The following GALNT13 variants were observed in gnomAD, a reference collection of about 807,000 sequenced individuals.
GALNT13 encodes the protein polypeptide N-acetylgalactosaminyltransferase 13, also known as UDP-GalNAc:polypeptide N-acetylgalactosaminyltransferase 13.
Under a neutral mutation model 64.2 loss-of-function variants are expected in GALNT13, and 28 were observed. The observed-to-expected ratio is 0.44, with a 90% CI of 0.32 to 0.60. The LOEUF is 0.60. GALNT13 is among the 20% of genes least tolerant of loss of function. The probability of loss-of-function intolerance (pLI) is 0.05; values close to 1 mark genes in which losing one functional copy is unlikely to be tolerated. For missense variants in GALNT13, 577 were observed against 669.8 expected, an observed-to-expected ratio of 0.86 and a Z score of 1.53; for synonymous variants, 214 against 224.6, an observed-to-expected ratio of 0.95 and a Z score of 0.42.
the GALNT13 span, among the ~76,000 whole-genome samples, chr2:153,434,577 C>T: frequency 6.6e-6 from 1 of 152,080 alleles, no homozygotes; most frequent in South Asian, 2.1e-4. Flanking sequence ...TCTCTGATGG[C>T]CAGTGATGAT....
chr2:153,905,041 C>T (rs1188308188), intron 2 of GALNT13, among the ~76,000 whole-genome samples: 1 of 151,876 alleles, frequency 6.6e-6, no homozygotes, highest in Non-Finnish European at 1.5e-5. Flanking sequence ...ACTATTTTAA[C>T]TATGGCTACT....
the GALNT13 span, among the ~76,000 whole-genome samples, chr2:153,720,613 T>C: frequency 1.3e-5 from 2 of 151,114 alleles, no homozygotes; most frequent in African/African-American, 4.9e-5. Flanking sequence ...GAGAAGTGCT[T>C]AAAGGAGCTG....
chr2:154,453,020 C>T lies in GALNT13; in HGVS notation c.*2469C>T, dbSNP rs1353143361. 6.6e-6 allele frequency: 1 copy of T among 152,156 alleles called. No homozygotes were observed. The highest frequency in any genetic ancestry group is 2.4e-5 in the African/African-American group (1 of 41,448). 9.4% of individuals were successfully genotyped at this position (152,156 alleles called of 1,614,324 possible). On this transcript the variant is annotated 3_prime_UTR_variant, in exon 13 of 13. Coordinates refer to ENST00000392825, the MANE Select transcript of GALNT13 (RefSeq NM_052917.4). ...GCTTTTGACTCCTCTATTTCTGTTT[C>T]AACTCTCGTCTAATCCAACAGCAAA...
intron 3 of GALNT13, among the ~76,000 whole-genome samples, chr2:154,011,783 G>A (rs1322596116): frequency 6.6e-6 from 1 of 151,988 alleles, no homozygotes; most frequent in African/African-American, 2.4e-5. Context: ...GGATAGTTAG[G>A]TCTTCTTGTT....
the GALNT13 span, among the ~76,000 whole-genome samples, chr2:153,682,864 A>G: frequency 2.6e-5 from 4 of 151,762 alleles, no homozygotes; most frequent in African/African-American, 4.8e-5. Flanking sequence ...TACTTGTTTT[A>G]TTTAGTTTAA....
chr2:154,230,049 A>G (rs1391216802), intron 4 of GALNT13, among the ~76,000 whole-genome samples: 2 of 152,120 alleles, frequency 1.3e-5, no homozygotes, highest in Non-Finnish European at 2.9e-5. Flanking sequence ...TGATGTCAGC[A>G]TCACCATTGT....
intron 3 of GALNT13, among the ~76,000 whole-genome samples, chr2:154,029,732 G>T (rs13427314): frequency 0.2 from 31,050 of 152,018 alleles, 4,087 homozygotes; most frequent in Middle Eastern, 0.33. Flanking sequence ...GCAAAGATAT[G>T]ACTTACATAA....
chr2:153,362,002 A>T, the GALNT13 span, among the ~76,000 whole-genome samples: 1 of 152,232 alleles, frequency 6.6e-6, no homozygotes, highest in African/African-American at 2.4e-5. Context: ...AGGGAAGCCC[A>T]TCAGACTAAC....
chr2:153,243,982 CTA>C, the GALNT13 span, among the ~76,000 whole-genome samples: 5 of 151,792 alleles, frequency 3.3e-5, no homozygotes, highest in Non-Finnish European at 5.9e-5. Flanking sequence ...TTATTAAAAA[CTA>C]GCATTATTAT....
the GALNT13 span, among the ~76,000 whole-genome samples, chr2:153,282,654 A>G: frequency 6.6e-6 from 1 of 152,098 alleles, no homozygotes; most frequent in Non-Finnish European, 1.5e-5. Context: ...GGGCTCAAGC[A>G]GTTTGCCTAC....
intron 9 of GALNT13, among the ~76,000 whole-genome samples, chr2:154,310,145 A>T (rs1368752835): frequency 1.3e-5 from 2 of 152,166 alleles, no homozygotes; most frequent in Admixed American, 1.3e-4. Flanking sequence ...ATTGGGTTTG[A>T]TGTAATTCCC....
intron 9 of GALNT13, among the ~76,000 whole-genome samples, chr2:154,344,829 G>A (rs1251337719): frequency 1.3e-5 from 2 of 151,978 alleles, no homozygotes; most frequent in African/African-American, 4.8e-5. Context: ...TTGAATTCTA[G>A]ATGGAGGGAG....
chr2:153,466,233 G>C, the GALNT13 span, among the ~76,000 whole-genome samples: 1 of 151,958 alleles, frequency 6.6e-6, no homozygotes, highest in Non-Finnish European at 1.5e-5. Flanking sequence ...TGAATCCTCT[G>C]TTTATAGCTG....
the GALNT13 span, among the ~76,000 whole-genome samples, chr2:153,502,849 C>T: frequency 1.3e-5 from 2 of 152,148 alleles, no homozygotes; most frequent in Admixed American, 6.6e-5. Context: ...TGATGTTGAG[C>T]ATTTTTTCAT....
In GALNT13 at chr2:153,974,122, A is replaced by G. The variant is rs558889408; in HGVS notation, c.142+29483A>G. Among the ~76,000 whole-genome samples the G allele has an allele frequency of 4.2e-4, 64 of 152,196 alleles. No homozygotes were observed. The South Asian group carries it at 4.8e-3, about 11-fold the overall frequency. On this transcript the variant is annotated intron_variant, in intron 3 of 12. Coordinates refer to ENST00000392825, the MANE Select transcript of GALNT13 (RefSeq NM_052917.4). ...AATCTTTTCTCCACACTGATGGCAG[A>G]TAAATCTTCCTGAAACACTATTTTG...
At chr2:153,555,103 G>A in the GALNT13 span, among the ~76,000 whole-genome samples, 5 of 151,850 alleles carry the variant, frequency 3.3e-5, no homozygotes, top group African/African-American at 1.2e-4. Flanking sequence ...ACTTGTATGA[G>A]TGGAGTAGAG....
the GALNT13 span, among the ~76,000 whole-genome samples, chr2:153,241,661 GTA>G: frequency 1.2e-4 from 18 of 150,690 alleles, no homozygotes; most frequent in South Asian, 8.5e-4. Flanking sequence ...GTGTGTATGT[GTA>G]TGTGTGTGTG....
At chr2:154,340,772 C>T (rs566757769) in intron 9 of GALNT13, among the ~76,000 whole-genome samples, 61 of 152,220 alleles carry the variant, frequency 4.0e-4, no homozygotes, top group Middle Eastern at 3.4e-3. Context: ...AGTATCCTCC[C>T]TTGGTAATGA....
the GALNT13 span, among the ~76,000 whole-genome samples, chr2:153,166,444 G>C: frequency 1.3e-5 from 2 of 152,138 alleles, no homozygotes; most frequent in African/African-American, 4.8e-5. Context: ...TCCCAAACTA[G>C]GAGGGAGCTG....
Sources: gnomAD v4.1 joint callset for allele counts (sites outside exome capture counted in the v4.1 genomes callset) on GRCh38, gnomAD v4.1.1 for gene constraint, MANE v1.5 for transcripts, NCBI Gene and HGNC (gene_info 2026-07-23, HGNC 2026-07-21) for gene names.